CARMIL1: variants seen among roughly 807,000 people sequenced by gnomAD.
CARMIL1 encodes F-actin-uncapping protein LRRC16A.
CARMIL1 carries 90 observed loss-of-function variants against 177.1 expected under a neutral mutation model. That is an observed-to-expected ratio of 0.51 (90% CI 0.43 to 0.61). The LOEUF is 0.61. Among genes scored for constraint, CARMIL1 ranks in the 20% least tolerant of loss-of-function variants. The pLI, the probability that CARMIL1 is intolerant of heterozygous loss-of-function variation, is 0.00. For missense variants in CARMIL1, 1,380 were observed against 1,667.0 expected (o/e 0.83, Z 3.00); for synonymous variants, 577 against 606.2 (o/e 0.95, Z 0.71).
At chr6:25,589,770 G>A (rs776450999) in intron 31 of CARMIL1, among the ~76,000 whole-genome samples, 9 of 152,136 alleles carry the variant, frequency 5.9e-5, no homozygotes, top group African/African-American at 9.7e-5. Flanking sequence ...TTACAGGTGC[G>A]AGTCACCACA....
At position 25,577,712 on chromosome 6, in the gene CARMIL1, G is replaced by A. The variant is rs944412937; in HGVS notation, c.2743-3212G>A. ...TTCCAAGATTAGTCTTTAACTTGTA[G>A]TAAAAGTAGACATATCTCAATTGAG... On this transcript the variant is annotated intron_variant, in intron 29 of 36. Coordinates refer to ENST00000329474, the MANE Select transcript of CARMIL1 (RefSeq NM_017640.6). This position sits in a 1 kb window ranked among gnomAD's most constrained non-coding sequence, Gnocchi z 4.5. Among the ~76,000 whole-genome samples, 4 of 152,108 alleles carry A rather than the reference G, an allele frequency of 2.6e-5. No homozygotes were observed. Among genetic ancestry groups the A allele is most frequent in the African/African-American group, 9.7e-5 (4 of 41,416 alleles).
intron 11 of CARMIL1, among the ~76,000 whole-genome samples, chr6:25,481,094 A>C (rs942673038): frequency 6.7e-6 from 1 of 150,004 alleles, no homozygotes; most frequent in African/African-American, 2.5e-5. Context: ...TCAACTTGTT[A>C]GTCACTTATT....
At chr6:25,360,822 C>G (rs1422468520) in intron 2 of CARMIL1, among the ~76,000 whole-genome samples, 5 of 152,064 alleles carry the variant, frequency 3.3e-5, no homozygotes, top group Non-Finnish European at 5.9e-5. Flanking sequence ...TGCTGACAGC[C>G]ATATGCATGT....
At chr6:25,404,819 A>G (rs1202601834) in intron 2 of CARMIL1, among the ~76,000 whole-genome samples, 2 of 148,664 alleles carry the variant, frequency 1.3e-5, no homozygotes, top group Non-Finnish European at 3.0e-5. Context: ...GGTTAATGCC[A>G]AACTGGGGCA....
At chr6:25,510,672 T>C in intron 19 of CARMIL1, 36 bp from the exon 20 acceptor site, 6 of 1,515,914 alleles carry the variant, frequency 4.0e-6, no homozygotes, top group Non-Finnish European at 5.4e-6. Context: ...AGCTTTTGAT[T>C]TGATTCCACT....
chr6:25,586,580 G>T (rs1461287700), intron 31 of CARMIL1, among the ~76,000 whole-genome samples: 2,307 of 151,010 alleles, frequency 0.015, 52 homozygotes, highest in African/African-American at 0.049. Flanking sequence ...TGCAATCTCG[G>T]CACTTTGGGA....
At chr6:25,405,426 C>T (rs1385345386) in intron 2 of CARMIL1, among the ~76,000 whole-genome samples, 1 of 152,172 alleles carries the variant, frequency 6.6e-6, no homozygotes. Context: ...GTGGATTTAA[C>T]CCTGTAGTCC....
intron 12 of CARMIL1, among the ~76,000 whole-genome samples, chr6:25,484,791 G>A (rs539380121): frequency 2.0e-5 from 3 of 152,206 alleles, no homozygotes; most frequent in Admixed American, 2.0e-4. Flanking sequence ...TTTTAAAAAA[G>A]TTTATATGAC....
chr6:25,315,561 C>G (rs1274596526), intron 2 of CARMIL1, among the ~76,000 whole-genome samples: 1 of 148,672 alleles, frequency 6.7e-6, no homozygotes, highest in Non-Finnish European at 1.5e-5. Context: ...TCTCTCATCT[C>G]TTCCCCCACC....
intron 2 of CARMIL1, among the ~76,000 whole-genome samples, chr6:25,401,113 T>C (rs1793847639): frequency 6.6e-6 from 1 of 152,194 alleles, no homozygotes. Context: ...TTATGCTTAT[T>C]TCACAGGAAC....
intron 10 of CARMIL1, 78 bp from the exon 11 acceptor site, chr6:25,472,349 T>A: frequency 1.0e-6 from 1 of 991,234 alleles, no homozygotes; most frequent in East Asian, 2.6e-5. Context: ...TAGATTTCAC[T>A]CTGTTCTAAG....
intron 17 of CARMIL1, among the ~76,000 whole-genome samples, chr6:25,508,251 G>A (rs748249392): frequency 4.6e-5 from 7 of 152,146 alleles, no homozygotes; most frequent in Non-Finnish European, 8.8e-5. Context: ...CTGGCAGTCA[G>A]TCTTGACAAT....
chr6:25,508,228 T>A (rs964270372), intron 17 of CARMIL1, among the ~76,000 whole-genome samples: 10 of 152,234 alleles, frequency 6.6e-5, no homozygotes, highest in African/African-American at 2.4e-4. Flanking sequence ...CAAGCAGGTG[T>A]AGTGAAATGG....
At position 25,351,330 on chromosome 6, in the gene CARMIL1, T is replaced by G. The variant is rs77611299; in HGVS notation, c.138+66421T>G. Among the ~76,000 whole-genome samples the G allele has an allele frequency of 9.0e-3, 1,369 of 152,342 alleles. 27 individuals carry two copies. The highest frequency in any genetic ancestry group is 0.03 in the African/African-American group (1,266 of 41,568). On this transcript the variant is annotated intron_variant, in intron 2 of 36. Transcript: ENST00000329474. ...TAAAATATTATTAAAGGTACTTTCATCTTTTTAAAATATGTGGCTACAAGA... is the reference window on the plus strand; with the variant it reads ...TAAAATATTATTAAAGGTACTTTCAGCTTTTTAAAATATGTGGCTACAAGA...
rs1400731959 is a variant in CARMIL1, at chr6:25,611,085, TTGA to T, written c.3979+906_3979+908del. Among the ~76,000 whole-genome samples, 3 of 152,220 alleles carry T rather than the reference TTGA, an allele frequency of 2.0e-5. No homozygotes were observed. The East Asian group carries it at 5.8e-4, about 29-fold the overall frequency. Reference sequence around the variant, plus strand: ...TCCTACATTGGCCTATTTTCTTTTATTGATAATAGTATTGGGTTGAAGTTAATA... The same window carrying T: ...TCCTACATTGGCCTATTTTCTTTTATTAATAGTATTGGGTTGAAGTTAATA... On this transcript the variant is annotated intron_variant, in intron 36 of 36. Transcript: ENST00000329474.
At chr6:25,465,831 C>G (rs1334656197) in intron 8 of CARMIL1, 42 bp from the exon 9 acceptor site, 2 of 1,163,708 alleles carry the variant, frequency 1.7e-6, no homozygotes, top group Non-Finnish European at 2.6e-6. Context: ...AGTGTAGCTA[C>G]TGTAGGAGCA....
chr6:25,432,161 C>G (rs1484204554), intron 4 of CARMIL1, among the ~76,000 whole-genome samples: 2 of 152,112 alleles, frequency 1.3e-5, no homozygotes, highest in Non-Finnish European at 2.9e-5. Context: ...CCATTTGATT[C>G]TGTTGCATTC....
chr6:25,491,589 G>C, intron 13 of CARMIL1, 143 bp from the exon 14 acceptor site: 1 of 529,606 alleles, frequency 1.9e-6, no homozygotes, highest in Non-Finnish European at 3.4e-6. Flanking sequence ...CTAAAGGAAT[G>C]ACAGAAAATT....
intron 31 of CARMIL1, among the ~76,000 whole-genome samples, chr6:25,582,044 A>G (rs1335400422): frequency 6.6e-6 from 1 of 152,168 alleles, no homozygotes; most frequent in African/African-American, 2.4e-5. Context: ...TCTCTCCTTT[A>G]TAGCTAAACT....
Sources: gnomAD v4.1 joint callset for allele counts (sites outside exome capture counted in the v4.1 genomes callset) on GRCh38, gnomAD v4.1.1 for gene constraint, Gnocchi (gnomAD v3.1) non-coding constraint, MANE v1.5 for transcripts, NCBI Gene and HGNC (gene_info 2026-07-23, HGNC 2026-07-21) for gene names.